Variants in RIT2 observed in about 807,000 individuals in gnomAD.
RIT2 encodes the protein Ras like without CAAX 2, also known as GTP-binding protein Rit2.
Under a neutral mutation model 23.7 loss-of-function variants are expected in RIT2, and 24 were observed. The observed-to-expected ratio is 1.01, with a 90% CI of 0.73 to 1.43. The LOEUF is 1.43. Ranked by LOEUF, RIT2 falls within the 40% of genes most tolerant of loss-of-function variation. RIT2 has a pLI of 0.00. For missense variants in RIT2, 236 were observed against 266.9 expected, an observed-to-expected ratio of 0.88 and a Z score of 0.81; for synonymous variants, 107 against 91.1, an observed-to-expected ratio of 1.17 and a Z score of -0.99.
intron 4 of RIT2, among the ~76,000 whole-genome samples, chr18:42,789,168 C>A (rs1380324820): frequency 6.6e-6 from 1 of 152,116 alleles, no homozygotes; most frequent in East Asian, 1.9e-4. Context: ...AACGCACCAA[C>A]AATTTTACCT....
intron 2 of RIT2, among the ~76,000 whole-genome samples, chr18:43,024,268 C>A (rs1911659852): frequency 6.6e-6 from 1 of 151,986 alleles, no homozygotes; most frequent in African/African-American, 2.4e-5. Flanking sequence ...CTACAGCCAA[C>A]TGATCTTCCA....
chr18:43,004,679 C>T (rs1471014467), intron 2 of RIT2, among the ~76,000 whole-genome samples: 6 of 151,816 alleles, frequency 4.0e-5, no homozygotes. Flanking sequence ...TACTCATCCT[C>T]CAGGACTTGG....
intron 1 of RIT2, among the ~76,000 whole-genome samples, chr18:43,055,378 T>C (rs892300415): frequency 1.3e-5 from 2 of 151,988 alleles, no homozygotes; most frequent in Admixed American, 1.3e-4. Flanking sequence ...GACACTAAGA[T>C]GGAAATTATG....
rs190553340 is a variant in RIT2 at position 42,886,072 on chromosome 18, C to T, written c.426+37500G>A. 1.3e-3 allele frequency among the ~76,000 whole-genome samples: 196 copies of T among 152,198 alleles called. 1 individual carries two copies. Among genetic ancestry groups the T allele is most frequent in the Admixed American group, 9.0e-3 (138 of 15,290 alleles). ...AAAAGGAATTCTTCTCAATTTTTTC[C>T]TTTAGATGAATTGGGAAATAAAGGC... is the stretch of plus-strand genomic sequence containing the variant. On this transcript the variant is annotated intron_variant, in intron 4 of 4. Coordinates refer to ENST00000326695, the MANE Select transcript of RIT2 (RefSeq NM_002930.4).
At chr18:42,834,999 C>T (rs1017182415) in intron 4 of RIT2, among the ~76,000 whole-genome samples, 2 of 152,038 alleles carry the variant, frequency 1.3e-5, no homozygotes, top group Non-Finnish European at 2.9e-5. Flanking sequence ...TCAAACTGTC[C>T]TCACATTACC....
chr18:42,812,424 A>G (rs1004012039), intron 4 of RIT2, among the ~76,000 whole-genome samples: 4 of 152,188 alleles, frequency 2.6e-5, no homozygotes, highest in African/African-American at 4.8e-5. Flanking sequence ...TAAAGTCATT[A>G]GAAGAACATT....
intron 1 of RIT2, among the ~76,000 whole-genome samples, chr18:43,098,689 T>C (rs1913611649): frequency 2.0e-5 from 3 of 151,994 alleles, no homozygotes; most frequent in African/African-American, 7.2e-5. Context: ...ATTTTATTTA[T>C]AAGAATTCAT....
intron 4 of RIT2, among the ~76,000 whole-genome samples, chr18:42,810,022 C>T (rs1261484370): frequency 7.0e-6 from 1 of 142,658 alleles, no homozygotes; most frequent in African/African-American, 2.6e-5. Context: ...ATATATGTTA[C>T]ATATATGTAT....
At chr18:42,850,748 T>C (rs1384216434) in intron 4 of RIT2, among the ~76,000 whole-genome samples, 1 of 152,172 alleles carries the variant, frequency 6.6e-6, no homozygotes, top group African/African-American at 2.4e-5. Flanking sequence ...TTCTTAACAA[T>C]GGGGTTTTCA....
intron 4 of RIT2, among the ~76,000 whole-genome samples, chr18:42,750,244 G>A (rs1425374699): frequency 2.0e-5 from 3 of 151,530 alleles, no homozygotes; most frequent in African/African-American, 7.3e-5. Flanking sequence ...TACATTTTTC[G>A]AGAGTTTAAA....
chr18:42,994,249 C>T (rs541846453), intron 2 of RIT2, among the ~76,000 whole-genome samples: 2 of 152,292 alleles, frequency 1.3e-5, no homozygotes, highest in African/African-American at 4.8e-5. Flanking sequence ...CACAAGGCTT[C>T]ACGGACAGCC....
At chr18:42,786,043 T>G (rs561688526) in intron 4 of RIT2, among the ~76,000 whole-genome samples, 3 of 152,154 alleles carry the variant, frequency 2.0e-5, no homozygotes, top group Non-Finnish European at 4.4e-5. Flanking sequence ...AGTAGAACAG[T>G]AATTCACAGC....
intron 1 of RIT2, among the ~76,000 whole-genome samples, chr18:43,077,369 C>A (rs1021222028): frequency 6.6e-6 from 1 of 152,144 alleles, no homozygotes; most frequent in Non-Finnish European, 1.5e-5. Context: ...CCAACTGGGG[C>A]TGAAATTTCT....
chr18:42,905,442 C>T (rs1908585589), intron 4 of RIT2, among the ~76,000 whole-genome samples: 1 of 152,092 alleles, frequency 6.6e-6, no homozygotes, highest in African/African-American at 2.4e-5. Flanking sequence ...TCTAAGTATA[C>T]ATGCTTTTTA....
intron 1 of RIT2, among the ~76,000 whole-genome samples, chr18:43,114,772 T>C (rs1007531484): frequency 4.6e-5 from 7 of 152,204 alleles, no homozygotes; most frequent in African/African-American, 1.7e-4. Flanking sequence ...ATCTCTATTA[T>C]CACCTCATCT....
At chr18:42,932,168 C>A (rs1296240426) in intron 3 of RIT2, among the ~76,000 whole-genome samples, 1 of 152,098 alleles carries the variant, frequency 6.6e-6, no homozygotes, top group Non-Finnish European at 1.5e-5. Context: ...GTCATTGGAG[C>A]AGATGTTTGT....
At chr18:42,764,341 C>A (rs957583268) in intron 4 of RIT2, among the ~76,000 whole-genome samples, 2 of 152,180 alleles carry the variant, frequency 1.3e-5, no homozygotes, top group Non-Finnish European at 2.9e-5. Context: ...CCCTCCATGC[C>A]TGCCTATCCT....
At chr18:43,026,592 GA>G (rs1555652894) in intron 2 of RIT2, among the ~76,000 whole-genome samples, 89 of 127,470 alleles carry the variant, frequency 7.0e-4, no homozygotes, top group Non-Finnish European at 1.3e-3. Context: ...AAGAAAGAAA[GA>G]AAGAAAGAAA....
chr18:42,983,269 G>A (rs1038049265), intron 2 of RIT2, among the ~76,000 whole-genome samples: 2 of 152,034 alleles, frequency 1.3e-5, no homozygotes, highest in Non-Finnish European at 2.9e-5. Context: ...GAAAAAATAA[G>A]CGTTTTTAAC....
Sources: gnomAD v4.1 joint callset for allele counts (sites outside exome capture counted in the v4.1 genomes callset) on GRCh38, gnomAD v4.1.1 for gene constraint, MANE v1.5 for transcripts, NCBI Gene and HGNC (gene_info 2026-07-23, HGNC 2026-07-21) for gene names.